Variants in ZFR2 observed in about 807,000 individuals in gnomAD.
The protein encoded by ZFR2 is zinc finger RNA binding protein 2, also known as zinc finger RNA-binding protein 2.
ZFR2 carries 104 observed loss-of-function variants against 105.7 expected under a neutral mutation model. That is an observed-to-expected ratio of 0.98 (90% CI 0.84 to 1.16). The LOEUF is 1.16. Among genes scored for constraint, ZFR2 ranks in the 50% most tolerant of loss-of-function variants. The probability of loss-of-function intolerance (pLI) is 0.00; values close to 1 mark genes in which losing one functional copy is unlikely to be tolerated. For synonymous variants in ZFR2, 634 were observed against 597.7 expected (o/e 1.06, Z -0.89); for missense variants, 1,425 against 1,355.5 (o/e 1.05, Z -0.80).
intron 1 of ZFR2, among the ~76,000 whole-genome samples, chr19:3,865,185 A>G (rs1852988163): frequency 6.6e-6 from 1 of 152,218 alleles, no homozygotes; most frequent in African/African-American, 2.4e-5. Flanking sequence ...AAATAAAATA[A>G]AGATAATCAA....
chr19:3,805,079 C>G lies in ZFR2; in HGVS notation c.*870G>C, dbSNP rs1337822447. The G allele has an allele frequency of 6.6e-6, 1 of 152,238 alleles. No homozygotes were observed. Among genetic ancestry groups the G allele is most frequent in the African/African-American group, 2.4e-5 (1 of 41,398 alleles). The allele number at this position is 152,238 out of a possible 1,614,324, so 9.4% of individuals were successfully genotyped here. A position where few individuals can be genotyped will look rare whatever the true frequency, so the allele number is the denominator to read the frequency against. Reference sequence around the variant, plus strand: ...TAGAGATGGGGTGTCACCATATTGCCCAGACTGATCTTAAACCGCTGGGCT... The same window carrying G: ...TAGAGATGGGGTGTCACCATATTGCGCAGACTGATCTTAAACCGCTGGGCT... On this transcript the variant is annotated 3_prime_UTR_variant, in exon 19 of 19. Coordinates refer to ENST00000262961, the MANE Select transcript of ZFR2 (RefSeq NM_015174.2).
chr19:3,831,212 C>T, intron 5 of ZFR2, 91 bp downstream of exon 5: 1 of 1,427,700 alleles, frequency 7.0e-7, no homozygotes, highest in Non-Finnish European at 9.2e-7. Context: ...CAGGCAGCGA[C>T]CCTGACCACC....
chr19:3,815,977 G>T (rs991656051), intron 13 of ZFR2, among the ~76,000 whole-genome samples: 1 of 151,566 alleles, frequency 6.6e-6, no homozygotes, highest in Admixed American at 6.6e-5. Context: ...GGATGGTCTC[G>T]ATCTGCTGAC....
chr19:3,856,140 G>A (rs1223681273), intron 1 of ZFR2, among the ~76,000 whole-genome samples: 1 of 152,220 alleles, frequency 6.6e-6, no homozygotes, highest in African/African-American at 2.4e-5. Flanking sequence ...AAGAAGGAAA[G>A]GAGGCCAGCC....
chr19:3,806,546 C>T (rs2145126936), intron 18 of ZFR2, among the ~76,000 whole-genome samples: 1 of 152,354 alleles, frequency 6.6e-6, no homozygotes, highest in East Asian at 1.9e-4. Context: ...AGGCGTGAGC[C>T]ACCCGGCCCG....
In ZFR2 at chr19:3,820,926, GGGTCGGGGGACACAGGGACACTAGA is replaced by G. The variant is rs2037884619; in HGVS notation, c.1631+389_1631+413del. Among the ~76,000 whole-genome samples the G allele has an allele frequency of 3.7e-5, 3 of 80,168 alleles. 1 individual carries two copies. The highest frequency in any genetic ancestry group is 1.6e-4 in the African/African-American group (3 of 19,188). The allele number at this position is 80,168 out of a possible 152,430, so 52.6% of individuals were successfully genotyped here. A position where few individuals can be genotyped will look rare whatever the true frequency, so the allele number is the denominator to read the frequency against. Reference sequence around the variant, plus strand: ...AGGTCGGGGGACACAGGGACACCGGGGGTCGGGGGACACAGGGACACTAGAGGTCGGTGGACACAGGGACACTAGA... The same window carrying G: ...AGGTCGGGGGACACAGGGACACCGGGGGTCGGTGGACACAGGGACACTAGA... On this transcript the variant is annotated intron_variant, in intron 10 of 18. Transcript: ENST00000262961.
At chr19:3,811,730 C>G (rs1199992426) in intron 14 of ZFR2, among the ~76,000 whole-genome samples, 2 of 152,054 alleles carry the variant, frequency 1.3e-5, no homozygotes, top group East Asian at 3.9e-4. Flanking sequence ...GCTGGGATTA[C>G]AGGCGTGAGC....
chr19:3,808,845 C>G, intron 17 of ZFR2, 27 bp downstream of exon 17: 2 of 1,519,268 alleles, frequency 1.3e-6, no homozygotes, highest in South Asian at 1.2e-5. Context: ...CCGCCCACCT[C>G]CTGGGCCCTC....
intron 1 of ZFR2, among the ~76,000 whole-genome samples, chr19:3,842,443 C>G (rs2038142212): frequency 6.6e-6 from 1 of 152,048 alleles, no homozygotes; most frequent in Non-Finnish European, 1.5e-5. Flanking sequence ...TAATTTTGAT[C>G]TAAAAACTTG....
rs2038049913 is a variant in ZFR2, at chr19:3,834,061, G to A, written c.265-283C>T. Among the ~76,000 whole-genome samples the A allele has an allele frequency of 6.6e-6, 1 of 152,192 alleles. No homozygotes were observed. Among genetic ancestry groups the A allele is most frequent in the South Asian group, 2.1e-4 (1 of 4,824 alleles). ...AGGACGCTTGGTGCGGCAGGAGAGG[G>A]CGGGTTTGCAGGGAGAAGCCCCCGA... On this transcript the variant is annotated intron_variant, in intron 2 of 18. Coordinates refer to ENST00000262961, the MANE Select transcript of ZFR2 (RefSeq NM_015174.2). This position sits in a 1 kb window ranked among gnomAD's most constrained non-coding sequence, Gnocchi z 5.3.
At chr19:3,828,714 C>T (rs534895402) in intron 5 of ZFR2, among the ~76,000 whole-genome samples, 8 of 152,264 alleles carry the variant, frequency 5.3e-5, no homozygotes, top group Admixed American at 2.0e-4. Context: ...CAAATGAAGC[C>T]GGCCACAGAC....
At chr19:3,867,885 C>G (rs1425265882) in intron 1 of ZFR2, among the ~76,000 whole-genome samples, 1 of 151,890 alleles carries the variant, frequency 6.6e-6, no homozygotes, top group Non-Finnish European at 1.5e-5. Context: ...ACTCCACACC[C>G]CACCCCAGGT....
rs574360999 is a variant in ZFR2, at chr19:3,815,990, C to T, written c.2103+684G>A. ...CAGGATGGTCTCGATCTGCTGACCT[C>T]GTGATCTGCCCATCTCAGCCTCCCA... On this transcript the variant is annotated intron_variant, in intron 13 of 18. Coordinates refer to ENST00000262961, the MANE Select transcript of ZFR2 (RefSeq NM_015174.2). Among the ~76,000 whole-genome samples, 46 of 151,912 alleles carry T rather than the reference C, an allele frequency of 3.0e-4. No homozygotes were observed. In the East Asian group the frequency reaches 8.7e-3, roughly 29 times the overall value.
At chr19:3,840,742 G>C (rs1478574152) in intron 1 of ZFR2, among the ~76,000 whole-genome samples, 1 of 151,944 alleles carries the variant, frequency 6.6e-6, no homozygotes, top group Non-Finnish European at 1.5e-5. Flanking sequence ...ATGTTGCCCA[G>C]GATGACCTCC....
chr19:3,837,838 C>T (rs1339504581), intron 1 of ZFR2, among the ~76,000 whole-genome samples: 1 of 152,158 alleles, frequency 6.6e-6, no homozygotes, highest in African/African-American at 2.4e-5. Flanking sequence ...AACACCATGA[C>T]TGTGACACTC....
chr19:3,809,583 C>T (rs1281238793), intron 16 of ZFR2, among the ~76,000 whole-genome samples: 2 of 152,208 alleles, frequency 1.3e-5, no homozygotes, highest in African/African-American at 4.8e-5. Flanking sequence ...CAGCCGCACA[C>T]CGGTCACCCA....
chr19:3,850,227 G>T (rs1035521523), intron 1 of ZFR2, among the ~76,000 whole-genome samples: 1 of 152,158 alleles, frequency 6.6e-6, no homozygotes, highest in African/African-American at 2.4e-5. Flanking sequence ...CCCGGGGAAG[G>T]GTGCCTGGGA....
chr19:3,808,925 C>T lies in ZFR2; in HGVS notation c.2492G>A (p.Gly831Glu). ...VSSAAGPLGPGDAVRRVLECV... is the reference protein window; with the variant it reads ...VSSAAGPLGPEDAVRRVLECV... ...CTCCAGGACTCGCCTGACTGCATCC[C>T]CGGGGCCCAGGGGCCCAGCCGCACT... is the stretch of plus-strand genomic sequence containing the variant. The change falls in exon 17 of 19, where the codon GGG (glycine) becomes GAG (glutamate). Residue 831 changes from glycine (G) to glutamate (E), a missense_variant. By Grantham distance (98) the Gly-to-Glu change is moderately conservative. Coordinates refer to ENST00000262961, the MANE Select transcript of ZFR2 (RefSeq NM_015174.2). 2 of 1,572,886 alleles carry T rather than the reference C, an allele frequency of 1.3e-6. No individual in the cohort carries two copies. The highest frequency in any genetic ancestry group is 2.3e-5 in the East Asian group (1 of 42,814).
intron 1 of ZFR2, chr19:3,855,437 C>CG: frequency 1.6e-6 from 2 of 1,231,668 alleles, no homozygotes; most frequent in Middle Eastern, 6.2e-4. Flanking sequence ...GGCGATCCGG[C>CG]GGCAGATTCA....
Sources: allele counts gnomAD v4.1 joint callset (sites outside exome capture counted in the v4.1 genomes callset), GRCh38; gene constraint gnomAD v4.1.1; non-coding constraint Gnocchi (gnomAD v3.1); transcripts MANE v1.5; gene names NCBI Gene and HGNC (gene_info 2026-07-23, HGNC 2026-07-21).